The following C12orf54 variants were observed in gnomAD, a reference collection of about 807,000 sequenced individuals.
C12orf54 encodes the protein uncharacterized protein C12orf54.
C12orf54 carries 24 observed loss-of-function variants against 26.4 expected under a neutral mutation model. That is an observed-to-expected ratio of 0.91 (90% CI 0.66 to 1.28). C12orf54 has a LOEUF of 1.28. Among genes scored for constraint, C12orf54 ranks in the 50% most tolerant of loss-of-function variants. The probability of loss-of-function intolerance (pLI) is 0.00; values close to 1 mark genes in which losing one functional copy is unlikely to be tolerated. For missense variants in C12orf54, 154 were observed against 150.9 expected (o/e 1.02, Z -0.11); for synonymous variants, 54 against 47.0 (o/e 1.15, Z -0.61).
intron 6 of C12orf54, 118 bp from the exon 7 acceptor site, chr12:48,492,829 C>T (rs1192881026): frequency 3.4e-6 from 3 of 875,326 alleles, no homozygotes; most frequent in Non-Finnish European, 5.7e-6. Flanking sequence ...GTCAGTGTCC[C>T]TTCAAGTCTG....
chr12:48,477,540 T>C (rs1451577284), upstream of C12orf54, among the ~76,000 whole-genome samples: 2 of 151,870 alleles, frequency 1.3e-5, no homozygotes, highest in Non-Finnish European at 2.9e-5. Context: ...ATCAAATAGA[T>C]GCAATAAAAA....
chr12:48,418,020 G>GA, the C12orf54 span, among the ~76,000 whole-genome samples: 8 of 151,834 alleles, frequency 5.3e-5, no homozygotes, highest in African/African-American at 9.7e-5. Context: ...GTCTTTGCTA[G>GA]AAAAAAAAAT....
chr12:48,458,578 C>T, the C12orf54 span, among the ~76,000 whole-genome samples: 1 of 152,168 alleles, frequency 6.6e-6, no homozygotes, highest in South Asian at 2.1e-4. Flanking sequence ...GACCAGTCTC[C>T]TCCAGTTATT....
the C12orf54 span, among the ~76,000 whole-genome samples, chr12:48,469,050 GGCAGA>G: frequency 6.6e-6 from 1 of 152,146 alleles, no homozygotes; most frequent in South Asian, 2.1e-4. Context: ...GGCAAATGGG[GGCAGA>G]GCAAGATCAC....
the C12orf54 span, among the ~76,000 whole-genome samples, chr12:48,476,299 T>C: frequency 6.6e-6 from 1 of 152,134 alleles, no homozygotes; most frequent in African/African-American, 2.4e-5. Context: ...ACATGCCAAA[T>C]TGTAAAGACC....
the C12orf54 span, among the ~76,000 whole-genome samples, chr12:48,455,767 T>A: frequency 6.6e-6 from 1 of 152,206 alleles, no homozygotes; most frequent in African/African-American, 2.4e-5. Flanking sequence ...GAAAAATGTA[T>A]CCATGAGGTA....
At chr12:48,449,694 T>TG in the C12orf54 span, among the ~76,000 whole-genome samples, 1 of 152,236 alleles carries the variant, frequency 6.6e-6, no homozygotes, top group Non-Finnish European at 1.5e-5. Flanking sequence ...TTCTGATCTG[T>TG]TGAGATAACC....
intron 5 of C12orf54, chr12:48,489,435 C>A: frequency 3.8e-6 from 1 of 261,894 alleles, no homozygotes; most frequent in Non-Finnish European, 7.7e-6. Flanking sequence ...ATCTCTCTCT[C>A]TCTCTCTTTG....
upstream of C12orf54, among the ~76,000 whole-genome samples, chr12:48,479,215 A>C (rs1954174237): frequency 6.6e-6 from 1 of 152,182 alleles, no homozygotes; most frequent in Non-Finnish European, 1.5e-5. Context: ...CTTTGTAGGG[A>C]CATGGATGAA....
At chr12:48,460,007 C>T in the C12orf54 span, among the ~76,000 whole-genome samples, 6,218 of 152,238 alleles carry the variant, frequency 0.041, 189 homozygotes, top group Non-Finnish European at 0.058. Context: ...ATAATCTTGT[C>T]TGGTCAAACT....
chr12:48,479,377 G>T (rs1010860274), upstream of C12orf54, among the ~76,000 whole-genome samples: 1 of 152,070 alleles, frequency 6.6e-6, no homozygotes, highest in African/African-American at 2.4e-5. Flanking sequence ...TGGCGGGAGT[G>T]GGGAGGGATA....
chr12:48,483,933 C>A (rs1310316283), intron 2 of C12orf54, among the ~76,000 whole-genome samples: 2 of 152,154 alleles, frequency 1.3e-5, no homozygotes, highest in Non-Finnish European at 2.9e-5. Flanking sequence ...GTGCCTCATG[C>A]CTGTAATCCC....
At chr12:48,453,099 T>A in the C12orf54 span, among the ~76,000 whole-genome samples, 1 of 152,114 alleles carries the variant, frequency 6.6e-6, no homozygotes, top group Non-Finnish European at 1.5e-5. Flanking sequence ...TAAATGCCCA[T>A]CAATGATAGA....
At chr12:48,482,893 C>T (rs1051773569) in intron 1 of C12orf54, among the ~76,000 whole-genome samples, 7 of 152,148 alleles carry the variant, frequency 4.6e-5, no homozygotes, top group African/African-American at 1.7e-4. Flanking sequence ...GCCAATCCCC[C>T]ATCCCCAATC....
the C12orf54 span, among the ~76,000 whole-genome samples, chr12:48,447,212 C>G: frequency 1.1e-5 from 1 of 90,972 alleles, no homozygotes; most frequent in African/African-American, 3.2e-5. Flanking sequence ...CTCTCTTACT[C>G]TGTGTGTGTG....
the C12orf54 span, among the ~76,000 whole-genome samples, chr12:48,467,527 G>A: frequency 6.6e-6 from 1 of 152,016 alleles, no homozygotes; most frequent in Admixed American, 6.6e-5. Context: ...GAAAGAACCT[G>A]TACCATAAAA....
chr12:48,472,782 G>A, the C12orf54 span: 4 of 1,614,064 alleles, frequency 2.5e-6, no homozygotes, highest in Non-Finnish European at 3.4e-6. Context: ...CCTCACAGAT[G>A]AATTTGAAGA....
chr12:48,448,926 A>T, the C12orf54 span, among the ~76,000 whole-genome samples: 2 of 152,228 alleles, frequency 1.3e-5, no homozygotes, highest in Non-Finnish European at 2.9e-5. Context: ...GACATCAATC[A>T]AATACAAATT....
At chr12:48,416,124 C>T in the C12orf54 span, among the ~76,000 whole-genome samples, 25 of 152,202 alleles carry the variant, frequency 1.6e-4, no homozygotes, top group Non-Finnish European at 2.9e-4. Flanking sequence ...AAAAAAATAC[C>T]GTCAGATGTC....
Sources: allele counts gnomAD v4.1 joint callset (sites outside exome capture counted in the v4.1 genomes callset), GRCh38; gene constraint gnomAD v4.1.1; transcripts MANE v1.5; gene names NCBI Gene and HGNC (gene_info 2026-07-23, HGNC 2026-07-21).